Variants in SEPTIN2 observed in about 807,000 individuals in gnomAD.
SEPTIN2 encodes septin 2.
Under a neutral mutation model 46.5 loss-of-function variants are expected in SEPTIN2, and 34 were observed. The observed-to-expected ratio is 0.73, with a 90% CI of 0.56 to 0.97. The LOEUF (loss-of-function observed/expected upper bound fraction) is 0.97. Among genes scored for constraint, SEPTIN2 ranks in the 50% least tolerant of loss-of-function variants. The pLI is 0.00. For synonymous variants in SEPTIN2, 175 were observed against 153.4 expected, an observed-to-expected ratio of 1.14 and a Z score of -1.04; for missense variants, 347 against 448.4, an observed-to-expected ratio of 0.77 and a Z score of 2.04.
intron 1 of SEPTIN2, among the ~76,000 whole-genome samples, chr2:241,320,964 C>T (rs993046555): frequency 3.3e-5 from 5 of 152,048 alleles, no homozygotes; most frequent in Non-Finnish European, 7.4e-5. Flanking sequence ...CCTCCTTGAT[C>T]CTGGGGATAT....
Position 241,338,853 on chromosome 2 carries a change from T to C in SEPTIN2, c.594+1063T>C, listed in dbSNP as rs1373348181. Reference sequence around the variant, plus strand: ...TAATATATATAATAAATATATAATATATATAAAAATATATATATTTAATAT... The same window carrying C: ...TAATATATATAATAAATATATAATACATATAAAAATATATATATTTAATAT... On this transcript the variant is annotated intron_variant, in intron 7 of 12. Transcript: ENST00000391971. Among the ~76,000 whole-genome samples, 512 of 95,968 alleles carry C rather than the reference T, an allele frequency of 5.3e-3. 2 individuals carry two copies. The highest frequency in any genetic ancestry group is 7.5e-3 in the Non-Finnish European group (422 of 55,972). The allele number at this position is 95,968 out of a possible 152,430, so 63.0% of individuals were successfully genotyped here.
chr2:241,346,140 C>T, intron 9 of SEPTIN2, 26 bp from the exon 10 acceptor site: 3 of 1,578,718 alleles, frequency 1.9e-6, no homozygotes, highest in Non-Finnish European at 1.7e-6. Flanking sequence ...ATGATGCCAC[C>T]TTGGTGCATT....
chr2:241,320,314 A>G, intron 1 of SEPTIN2: 1 of 470,976 alleles, frequency 2.1e-6, no homozygotes, highest in Non-Finnish European at 4.4e-6. Flanking sequence ...CTGCTTAGTG[A>G]TACTTGTTTT....
chr2:241,344,881 C>T (rs2081792962), intron 9 of SEPTIN2, among the ~76,000 whole-genome samples: 2 of 151,962 alleles, frequency 1.3e-5, no homozygotes, highest in African/African-American at 4.8e-5. Context: ...GCCTGGCTGA[C>T]ATGGTGAAAC....
At chr2:241,331,472 C>T (rs2078999183) in intron 3 of SEPTIN2, among the ~76,000 whole-genome samples, 1 of 152,202 alleles carries the variant, frequency 6.6e-6, no homozygotes, top group African/African-American at 2.4e-5. Context: ...TTTTGGCAAC[C>T]TCCACCTCCC....
intron 1 of SEPTIN2, among the ~76,000 whole-genome samples, chr2:241,318,628 T>C (rs1401486005): frequency 6.6e-6 from 1 of 152,222 alleles, no homozygotes; most frequent in Non-Finnish European, 1.5e-5. Flanking sequence ...CTTGACTTAC[T>C]TGAGATCTTA....
At chr2:241,319,832 G>A (rs186342891) in intron 1 of SEPTIN2, among the ~76,000 whole-genome samples, 1 of 152,262 alleles carries the variant, frequency 6.6e-6, no homozygotes, top group East Asian at 1.9e-4. Context: ...GAGCTCAAGC[G>A]CTCCTCCTGC....
intron 7 of SEPTIN2, among the ~76,000 whole-genome samples, chr2:241,339,253 C>T (rs1179031442): frequency 6.6e-6 from 1 of 150,730 alleles, no homozygotes; most frequent in South Asian, 2.1e-4. Context: ...GTTAGCCGGG[C>T]GTGGTGGCGG....
chr2:241,328,574 TA>T (rs1004608825), intron 3 of SEPTIN2, among the ~76,000 whole-genome samples: 84 of 140,030 alleles, frequency 6.0e-4, no homozygotes, highest in Admixed American at 6.5e-4. Context: ...CTGCCTTTAC[TA>T]AAAAAAAAAA....
At chr2:241,342,283 C>T (rs1250475423) in intron 7 of SEPTIN2, among the ~76,000 whole-genome samples, 1 of 151,268 alleles carries the variant, frequency 6.6e-6, no homozygotes, top group East Asian at 1.9e-4. Flanking sequence ...GTACTTCTCC[C>T]TTCTCTCTGC....
intron 7 of SEPTIN2, among the ~76,000 whole-genome samples, chr2:241,339,839 C>T (rs1000616658): frequency 6.6e-6 from 1 of 152,182 alleles, no homozygotes; most frequent in Admixed American, 6.5e-5. Context: ...GCACTCCCCC[C>T]ACACTGCATA....
rs1382990489 is a variant in SEPTIN2, at chr2:241,352,833, A to G, written c.*896A>G. 1 of 152,224 alleles carries G rather than the reference A, an allele frequency of 6.6e-6. No individual in the cohort carries two copies. The highest frequency in any genetic ancestry group is 1.5e-5 in the Non-Finnish European group (1 of 68,038). 9.4% of individuals were successfully genotyped at this position (152,224 alleles called of 1,614,324 possible). ...CTCAACCAAATTAAAAATTTTTTTA[A>G]GGAAAATTAGCAGTTGGTCTATTCA... On this transcript the variant is annotated 3_prime_UTR_variant, in exon 13 of 13. Transcript: ENST00000391971.
At chr2:241,329,798 C>T (rs1575211795) in intron 3 of SEPTIN2, among the ~76,000 whole-genome samples, 2 of 152,084 alleles carry the variant, frequency 1.3e-5, no homozygotes, top group East Asian at 3.9e-4. Flanking sequence ...TTAAAAGAGG[C>T]AAAGGCAGAG....
intron 7 of SEPTIN2, among the ~76,000 whole-genome samples, chr2:241,340,942 A>G (rs763982812): frequency 6.6e-6 from 1 of 151,838 alleles, no homozygotes; most frequent in African/African-American, 2.4e-5. Context: ...GATCCTGTTC[A>G]CTCAGGCTTC....
intron 11 of SEPTIN2, among the ~76,000 whole-genome samples, chr2:241,349,131 G>A (rs1329785187): frequency 6.6e-6 from 1 of 152,096 alleles, no homozygotes; most frequent in African/African-American, 2.4e-5. Flanking sequence ...AGGCCAAGGT[G>A]GGAGAATCAC....
chr2:241,349,629 T>C (rs1286061008), intron 11 of SEPTIN2, among the ~76,000 whole-genome samples: 1 of 152,144 alleles, frequency 6.6e-6, no homozygotes, highest in Non-Finnish European at 1.5e-5. Context: ...GAGACCAGCC[T>C]GACCAATGTG....
intron 1 of SEPTIN2, among the ~76,000 whole-genome samples, chr2:241,318,801 A>G (rs2076740407): frequency 6.6e-6 from 1 of 151,688 alleles, no homozygotes; most frequent in Non-Finnish European, 1.5e-5. Context: ...CCCGGGTTCA[A>G]GTGATTCTGC....
At chr2:241,333,602 C>A (rs865851960) in intron 3 of SEPTIN2, among the ~76,000 whole-genome samples, 1 of 141,994 alleles carries the variant, frequency 7.0e-6, no homozygotes, top group South Asian at 2.4e-4. Flanking sequence ...CTCCGCCTCC[C>A]GGGTTCACGC....
intron 5 of SEPTIN2, 23 bp from the exon 6 acceptor site, chr2:241,337,356 ATTG>A: frequency 6.2e-7 from 1 of 1,604,032 alleles, no homozygotes; most frequent in Non-Finnish European, 8.5e-7. Flanking sequence ...CCCTATGATT[ATTG>A]TTAATGTTTC....
Sources: allele counts gnomAD v4.1 joint callset (sites outside exome capture counted in the v4.1 genomes callset), GRCh38; gene constraint gnomAD v4.1.1; transcripts MANE v1.5; gene names NCBI Gene and HGNC (gene_info 2026-07-23, HGNC 2026-07-21).